The following ERBB4 variants were observed in gnomAD, a reference collection of about 807,000 sequenced individuals.
ERBB4 encodes erb-b2 receptor tyrosine kinase 4.
In ERBB4, 42 loss-of-function variants were observed where a neutral mutation model predicts 158.0. The observed-to-expected ratio is 0.27, with a 90% CI of 0.21 to 0.34. ERBB4 has a LOEUF of 0.34. Among genes scored for constraint, ERBB4 ranks in the 10% least tolerant of loss-of-function variants. The probability of loss-of-function intolerance (pLI) is 1.00; values close to 1 mark genes in which losing one functional copy is unlikely to be tolerated. For missense variants in ERBB4, 1,333 were observed against 1,624.1 expected (o/e 0.82, Z 3.08); for synonymous variants, 583 against 558.7 (o/e 1.04, Z -0.61).
chr2:212,435,919 T>A (rs947715726), intron 1 of ERBB4, among the ~76,000 whole-genome samples: 19 of 151,624 alleles, frequency 1.3e-4, no homozygotes, highest in African/African-American at 3.1e-4. Context: ...AGAAAAAAAA[T>A]AAATAATAAT....
chr2:211,823,445 T>C (rs2077036060), intron 3 of ERBB4, among the ~76,000 whole-genome samples: 1 of 151,896 alleles, frequency 6.6e-6, no homozygotes, highest in Admixed American at 6.6e-5. Context: ...ATATAAAATA[T>C]TCATTTTATA....
intron 7 of ERBB4, among the ~76,000 whole-genome samples, chr2:211,721,648 T>C (rs1176539030): frequency 1.4e-5 from 2 of 147,856 alleles, no homozygotes; most frequent in East Asian, 2.0e-4. Context: ...TATATATACA[T>C]GTTTTGTTTA....
intron 1 of ERBB4, among the ~76,000 whole-genome samples, chr2:212,413,562 G>T (rs1056933806): frequency 6.6e-6 from 1 of 151,940 alleles, no homozygotes; most frequent in African/African-American, 2.4e-5. Flanking sequence ...TCTATGGTTT[G>T]TATACCTTAT....
intron 1 of ERBB4, among the ~76,000 whole-genome samples, chr2:212,321,092 A>T (rs560812524): frequency 2.5e-4 from 37 of 150,460 alleles, no homozygotes; most frequent in African/African-American, 7.7e-4. Flanking sequence ...ACCGATGGTA[A>T]TCATCTACAT....
chr2:211,459,216 T>A (rs1036672367), intron 20 of ERBB4, among the ~76,000 whole-genome samples: 7 of 152,238 alleles, frequency 4.6e-5, no homozygotes, highest in Admixed American at 2.0e-4. Flanking sequence ...AGATTATTTA[T>A]GTAATTTATA....
chr2:211,655,784 C>T (rs1341390106), intron 16 of ERBB4, among the ~76,000 whole-genome samples: 2 of 152,206 alleles, frequency 1.3e-5, no homozygotes, highest in Admixed American at 1.3e-4. Flanking sequence ...CTCCCTCTCT[C>T]TAATTTTTTC....
chr2:212,212,485 T>C (rs1225054099), intron 1 of ERBB4, among the ~76,000 whole-genome samples: 1 of 152,046 alleles, frequency 6.6e-6, no homozygotes, highest in African/African-American at 2.4e-5. Context: ...ATGGCCATAC[T>C]GTCCGAAGTA....
chr2:212,254,867 CAG>C (rs1394436455), intron 1 of ERBB4, among the ~76,000 whole-genome samples: 1 of 152,088 alleles, frequency 6.6e-6, no homozygotes, highest in Admixed American at 6.6e-5. Context: ...ATTTAAATAA[CAG>C]ATATACTGTA....
intron 19 of ERBB4, among the ~76,000 whole-genome samples, chr2:211,590,706 T>C (rs2125791232): frequency 6.6e-6 from 1 of 152,280 alleles, no homozygotes; most frequent in African/African-American, 2.4e-5. Flanking sequence ...AACTCTGGTT[T>C]CCCGCTCAGC....
At chr2:211,758,717 A>T (rs899191102) in intron 4 of ERBB4, among the ~76,000 whole-genome samples, 2 of 152,250 alleles carry the variant, frequency 1.3e-5, no homozygotes, top group African/African-American at 4.8e-5. Flanking sequence ...AGAGCCACCA[A>T]GGGTGTCCAG....
At chr2:212,418,451 T>C (rs770951397) in intron 1 of ERBB4, among the ~76,000 whole-genome samples, 4 of 151,534 alleles carry the variant, frequency 2.6e-5, no homozygotes, top group South Asian at 4.1e-4. Flanking sequence ...CTCCACCTGC[T>C]AAGAGTCTAA....
At position 211,584,943 on chromosome 2, in the gene ERBB4, G is replaced by GA. The variant is rs112633476; in HGVS notation, c.2302-22856dup. ...TATTTGTGGCGCATTTTTTCTCTAT[G>GA]AAAAAAAAATTACCACTATATTCTA... On this transcript the variant is annotated intron_variant, in intron 19 of 27. Transcript: ENST00000342788. 8.0e-4 allele frequency among the ~76,000 whole-genome samples: 120 copies of GA among 149,536 alleles called. 2 individuals carry two copies. The highest frequency in any genetic ancestry group is 2.5e-3 in the African/African-American group (104 of 40,816).
chr2:211,869,638 T>C (rs944938118), intron 3 of ERBB4, among the ~76,000 whole-genome samples: 9 of 152,060 alleles, frequency 5.9e-5, no homozygotes, highest in African/African-American at 1.9e-4. Context: ...TGAACTAAGT[T>C]AGGAAAAAAA....
At chr2:211,879,009 C>T (rs2078591334) in intron 3 of ERBB4, among the ~76,000 whole-genome samples, 2 of 152,078 alleles carry the variant, frequency 1.3e-5, no homozygotes, top group African/African-American at 4.8e-5. Flanking sequence ...CTCTAACCCT[C>T]TAGGAGAAAG....
intron 1 of ERBB4, among the ~76,000 whole-genome samples, chr2:212,461,352 T>C (rs1248886642): frequency 6.6e-6 from 1 of 152,172 alleles, no homozygotes; most frequent in African/African-American, 2.4e-5. Context: ...AACCCACCTC[T>C]TGCATCCCAC....
At chr2:211,989,706 G>C (rs1205340938) in intron 2 of ERBB4, among the ~76,000 whole-genome samples, 2 of 151,686 alleles carry the variant, frequency 1.3e-5, no homozygotes, top group African/African-American at 4.8e-5. Context: ...ATCCTGGAAG[G>C]GATGCAATCT....
At chr2:211,994,259 T>C (rs1358589428) in intron 2 of ERBB4, among the ~76,000 whole-genome samples, 7 of 151,624 alleles carry the variant, frequency 4.6e-5, no homozygotes, top group African/African-American at 1.7e-4. Context: ...TTCTCCTGAG[T>C]ACCTAGGATG....
At chr2:212,234,382 T>C (rs532976081) in intron 1 of ERBB4, among the ~76,000 whole-genome samples, 5 of 152,186 alleles carry the variant, frequency 3.3e-5, no homozygotes, top group Non-Finnish European at 5.9e-5. Context: ...CAGTCTAACA[T>C]TGATGGGCAT....
At chr2:211,579,910 C>T (rs1452867567) in intron 19 of ERBB4, among the ~76,000 whole-genome samples, 1 of 152,070 alleles carries the variant, frequency 6.6e-6, no homozygotes, top group Non-Finnish European at 1.5e-5. Flanking sequence ...ACACATTAAC[C>T]TACGTAACCT....
Sources: allele counts gnomAD v4.1 joint callset (sites outside exome capture counted in the v4.1 genomes callset), GRCh38; gene constraint gnomAD v4.1.1; transcripts MANE v1.5; gene names NCBI Gene and HGNC (gene_info 2026-07-23, HGNC 2026-07-21).